FOXK1: variants seen among roughly 807,000 people sequenced by gnomAD.
The protein encoded by FOXK1 is forkhead box K1, also known as forkhead box protein K1.
FOXK1 carries 19 observed loss-of-function variants against 51.9 expected under a neutral mutation model. The ratio of observed to expected loss-of-function variants is 0.37; its 90% CI spans 0.26 to 0.54. The LOEUF is 0.54. Among genes scored for constraint, FOXK1 ranks in the 20% least tolerant of loss-of-function variants. The pLI is 0.87. For synonymous variants in FOXK1, 537 were observed against 482.6 expected (o/e 1.11, Z -1.48); for missense variants, 870 against 1,032.7 (o/e 0.84, Z 2.16).
intron 2 of FOXK1, among the ~76,000 whole-genome samples, chr7:4,742,909 G>A (rs543222171): frequency 1.3e-5 from 2 of 152,316 alleles, no homozygotes; most frequent in East Asian, 3.9e-4. Flanking sequence ...AGAGCCAGTG[G>A]GTGGGAGTGT....
chr7:4,746,254 T>C (rs889612043), intron 2 of FOXK1, among the ~76,000 whole-genome samples: 4 of 152,272 alleles, frequency 2.6e-5, no homozygotes, highest in African/African-American at 9.6e-5. Context: ...TCTGTCTTAT[T>C]GCTAGATAAC....
chr7:4,738,176 C>T (rs911462666), intron 1 of FOXK1, among the ~76,000 whole-genome samples: 1 of 150,798 alleles, frequency 6.6e-6, no homozygotes, highest in South Asian at 2.1e-4. Context: ...GTGGCTCATG[C>T]CTATAATCCC....
intron 1 of FOXK1, among the ~76,000 whole-genome samples, chr7:4,740,010 G>A (rs1780611217): frequency 6.6e-6 from 1 of 152,210 alleles, no homozygotes. Flanking sequence ...AAAGACAACT[G>A]ACGGCTGGGC....
chr7:4,731,040 T>C lies in FOXK1; in HGVS notation c.561-9798T>C, dbSNP rs1022555011. ...ACCATTTGCTGAACAGTCTTATTTCTCGGAGGAGTTTAAGCAAACACTGCA... is the reference window on the plus strand; with the variant it reads ...ACCATTTGCTGAACAGTCTTATTTCCCGGAGGAGTTTAAGCAAACACTGCA... On this transcript the variant is annotated intron_variant, in intron 1 of 8. Coordinates refer to ENST00000328914, the MANE Select transcript of FOXK1 (RefSeq NM_001037165.2). The surrounding 1 kb of genome is among the most constrained non-coding windows in gnomAD (Gnocchi z 5.3). Among the ~76,000 whole-genome samples the C allele has an allele frequency of 6.6e-6, 1 of 152,176 alleles. No individual in the cohort carries two copies. Among genetic ancestry groups the C allele is most frequent in the Non-Finnish European group, 1.5e-5 (1 of 68,020 alleles).
chr7:4,759,061 G>C lies in FOXK1; in HGVS notation c.1255G>C (p.Ala419Pro). 1 of 1,599,548 alleles carries C rather than the reference G, an allele frequency of 6.3e-7. No individual in the cohort carries two copies. The highest frequency in any genetic ancestry group is 8.5e-7 in the Non-Finnish European group (1 of 1,175,056). Residue 419 changes from alanine (A) to proline (P), a missense_variant, in exon 6 of 9, where the codon GCT (alanine) becomes CCT (proline). This residue lies in a region of FOXK1 where 457 missense variants were observed against 510.8 expected (regional missense o/e 0.89). Coordinates refer to ENST00000328914, the MANE Select transcript of FOXK1 (RefSeq NM_001037165.2). ...FGPLSSRSAP[A>P]SPTHPGLMSP... ...TTGCCTGTCTTCCAGGAGCGCTCCA[G>C]CTTCGCCCACACACCCCGGGCTGAT...
rs572087956 is a variant in FOXK1 at position 4,733,005 on chromosome 7, A to T, written c.561-7833A>T. Among the ~76,000 whole-genome samples the T allele has an allele frequency of 1.3e-5, 2 of 152,122 alleles. No individual in the cohort carries two copies. The highest frequency in any genetic ancestry group is 3.9e-4 in the East Asian group (2 of 5,170). ...ATTCCTGTCCTTCAGTTCTCCTGGGAACTTTCTCCTGAGAGCCCTGGCTCT... is the reference window on the plus strand; with the variant it reads ...ATTCCTGTCCTTCAGTTCTCCTGGGTACTTTCTCCTGAGAGCCCTGGCTCT... On this transcript the variant is annotated intron_variant, in intron 1 of 8. Coordinates refer to ENST00000328914, the MANE Select transcript of FOXK1 (RefSeq NM_001037165.2). This position sits in a 1 kb window ranked among gnomAD's most constrained non-coding sequence, Gnocchi z 5.0.
Position 4,683,227 on chromosome 7 carries a change from G to A in FOXK1, c.560+359G>A, listed in dbSNP as rs562981851. 2.6e-5 allele frequency among the ~76,000 whole-genome samples: 4 copies of A among 151,188 alleles called. No individual in the cohort carries two copies. The highest frequency in any genetic ancestry group is 9.7e-5 in the African/African-American group (4 of 41,140). ...CCTGACCTCATCTCCCACCGGCCTGGGCTCCTGGAGCCACCCATACCCCAA... is the reference window on the plus strand; with the variant it reads ...CCTGACCTCATCTCCCACCGGCCTGAGCTCCTGGAGCCACCCATACCCCAA... On this transcript the variant is annotated intron_variant, in intron 1 of 8. Transcript: ENST00000328914. This position sits in a 1 kb window ranked among gnomAD's most constrained non-coding sequence, Gnocchi z 4.5.
At chr7:4,705,543 C>T (rs1188293623) in intron 1 of FOXK1, among the ~76,000 whole-genome samples, 1 of 149,168 alleles carries the variant, frequency 6.7e-6, no homozygotes, top group Non-Finnish European at 1.5e-5. Context: ...CTCTCTCTCT[C>T]TCTCTCTCTC....
chr7:4,683,946 C>T lies in FOXK1; in HGVS notation c.560+1078C>T, dbSNP rs889679345. 3.3e-5 allele frequency among the ~76,000 whole-genome samples: 5 copies of T among 152,130 alleles called. No individual in the cohort carries two copies. Among genetic ancestry groups the T allele is most frequent in the Admixed American group, 3.3e-4 (5 of 15,280 alleles). On this transcript the variant is annotated intron_variant, in intron 1 of 8. Transcript: ENST00000328914. This position sits in a 1 kb window ranked among gnomAD's most constrained non-coding sequence, Gnocchi z 4.5. ...AACTAGTGCTCCTTGGATGGAGTAG[C>T]GGGACCCCAAGATCAAATTAGATTC...
intron 1 of FOXK1, among the ~76,000 whole-genome samples, chr7:4,710,911 G>A (rs746553716): frequency 1.9e-4 from 29 of 152,058 alleles, no homozygotes; most frequent in Non-Finnish European, 3.1e-4. Context: ...CCTTCTCCTC[G>A]TCTGTGTAGT....
chr7:4,770,813 C>T lies in FOXK1; in HGVS notation c.*8349C>T, dbSNP rs1781087723. On this transcript the variant is annotated 3_prime_UTR_variant, in exon 9 of 9. Transcript: ENST00000328914. ...GAGTTTTTGTTCTTGTTGTTTTAAT[C>T]TGAACGATTATTCTCCTGTAAAAAT... is the stretch of plus-strand genomic sequence containing the variant. The T allele has an allele frequency of 6.7e-6, 1 of 149,600 alleles. No homozygotes were observed. Among genetic ancestry groups the T allele is most frequent in the Non-Finnish European group, 1.5e-5 (1 of 67,842 alleles). The allele number at this position is 149,600 out of a possible 1,614,324, so 9.3% of individuals were successfully genotyped here.
chr7:4,758,998 C>T lies in FOXK1; in HGVS notation c.1245-53C>T. The stretch of plus-strand genomic sequence containing the variant: ...AGATGCGTGATGTCTCGGAAACGTC[C>T]TCGCATCCCTCAGCGCGGGCGCTGA... On this transcript the variant is annotated intron_variant, in intron 5 of 8. Transcript: ENST00000328914. The surrounding 1 kb of genome is among the most constrained non-coding windows in gnomAD (Gnocchi z 4.4). The T allele has an allele frequency of 7.9e-6, 12 of 1,518,122 alleles. No individual in the cohort carries two copies. In the South Asian group the frequency reaches 1.5e-4, roughly 20 times the overall value. 94.0% of individuals were successfully genotyped at this position (1,518,122 alleles called of 1,614,324 possible). A position where few individuals can be genotyped will look rare whatever the true frequency, so the allele number is the denominator to read the frequency against.
Position 4,745,325 on chromosome 7 carries a change from T to C in FOXK1, c.746+4302T>C, listed in dbSNP as rs1255827952. Among the ~76,000 whole-genome samples the C allele has an allele frequency of 6.6e-6, 1 of 152,090 alleles. No individual in the cohort carries two copies. Among genetic ancestry groups the C allele is most frequent in the Admixed American group, 6.6e-5 (1 of 15,258 alleles). ...CTCATTCCCAGGAGTCGGGAGTGGCTTGGGAGCGGCTTTTTCCTGGGGGAG... is the reference window on the plus strand; with the variant it reads ...CTCATTCCCAGGAGTCGGGAGTGGCCTGGGAGCGGCTTTTTCCTGGGGGAG... On this transcript the variant is annotated intron_variant, in intron 2 of 8. Coordinates refer to ENST00000328914, the MANE Select transcript of FOXK1 (RefSeq NM_001037165.2). The surrounding 1 kb of genome is among the most constrained non-coding windows in gnomAD (Gnocchi z 4.3).
Position 4,769,443 on chromosome 7 carries a change from C to CT in FOXK1, c.*6992dup, listed in dbSNP as rs71032990. The CT allele has an allele frequency of 0.02, 2,954 of 145,966 alleles. 37 individuals carry two copies. Among genetic ancestry groups the CT allele is most frequent in the Non-Finnish European group, 0.032 (2,081 of 65,974 alleles). 9.0% of individuals were successfully genotyped at this position (145,966 alleles called of 1,614,324 possible). ...CGGTCTCCAAGTCACTCTGTCACCA[C>CT]TTTTTTTTTTTTTGAGATGGAGTCT... is the stretch of plus-strand genomic sequence containing the variant. On this transcript the variant is annotated 3_prime_UTR_variant, in exon 9 of 9. Transcript: ENST00000328914. The surrounding 1 kb of genome is among the most constrained non-coding windows in gnomAD (Gnocchi z 4.1).
intron 1 of FOXK1, among the ~76,000 whole-genome samples, chr7:4,716,472 C>T (rs1485421359): frequency 6.6e-6 from 1 of 152,114 alleles, no homozygotes; most frequent in Admixed American, 6.6e-5. Context: ...CACCACTGCT[C>T]TCTAGCCTGC....
intron 7 of FOXK1, among the ~76,000 whole-genome samples, chr7:4,760,537 G>T (rs199499865): frequency 6.6e-6 from 1 of 152,190 alleles, no homozygotes; most frequent in Non-Finnish European, 1.5e-5. Flanking sequence ...ATTTGGGTTG[G>T]TTAAAGCTAA....
chr7:4,727,438 C>G (rs945864570), intron 1 of FOXK1, among the ~76,000 whole-genome samples: 4 of 152,256 alleles, frequency 2.6e-5, no homozygotes, highest in African/African-American at 9.6e-5. Flanking sequence ...GCCTCAGCCT[C>G]TGGAGTAGCT....
At chr7:4,692,048 C>T (rs1293001803) in intron 1 of FOXK1, among the ~76,000 whole-genome samples, 6 of 151,964 alleles carry the variant, frequency 3.9e-5, no homozygotes, top group Non-Finnish European at 5.9e-5. Context: ...TGACACTGAC[C>T]GTATTAGAAA....
At chr7:4,688,019 A>T (rs1316467174) in intron 1 of FOXK1, among the ~76,000 whole-genome samples, 1 of 152,210 alleles carries the variant, frequency 6.6e-6, no homozygotes, top group Non-Finnish European at 1.5e-5. Flanking sequence ...GGCATGAGCC[A>T]CCATGCCCAG....
Sources: allele counts gnomAD v4.1 joint callset (sites outside exome capture counted in the v4.1 genomes callset), GRCh38; gene constraint gnomAD v4.1.1; regional missense constraint gnomAD v4.1.1; non-coding constraint Gnocchi (gnomAD v3.1); transcripts MANE v1.5; gene names NCBI Gene and HGNC (gene_info 2026-07-23, HGNC 2026-07-21).